ANKRD30B: variants seen among roughly 807,000 people sequenced by gnomAD.
ANKRD30B encodes ankyrin repeat domain-containing protein 30B.
Under a neutral mutation model 202.2 loss-of-function variants are expected in ANKRD30B, and 144 were observed. That is an observed-to-expected ratio of 0.71 (90% confidence interval 0.62 to 0.82). ANKRD30B has a LOEUF of 0.82. Among genes scored for constraint, ANKRD30B ranks in the 40% least tolerant of loss-of-function variants. The probability of loss-of-function intolerance (pLI) is 0.00; values close to 1 mark genes in which losing one functional copy is unlikely to be tolerated. For synonymous variants in ANKRD30B, 508 were observed against 561.3 expected (o/e 0.91, Z 1.34); for missense variants, 1,487 against 1,669.1 (o/e 0.89, Z 1.90).
chr18:14,875,006 G>A, the ANKRD30B span, among the ~76,000 whole-genome samples: 1 of 152,180 alleles, frequency 6.6e-6, no homozygotes, highest in East Asian at 1.9e-4. Context: ...GTAACCCAAT[G>A]ACCAAATCAA....
At chr18:14,863,769 G>A in the ANKRD30B span, among the ~76,000 whole-genome samples, 4 of 148,556 alleles carry the variant, frequency 2.7e-5, no homozygotes, top group Non-Finnish European at 5.9e-5. Context: ...TACAAAACCA[G>A]TATCATCCTG....
chr18:14,764,749 A>G (rs1915835832), intron 7 of ANKRD30B, among the ~76,000 whole-genome samples: 1 of 152,126 alleles, frequency 6.6e-6, no homozygotes, highest in Non-Finnish European at 1.5e-5. Context: ...TCTCAAGACA[A>G]TATTTAAAGG....
chr18:14,867,018 G>A, the ANKRD30B span, among the ~76,000 whole-genome samples: 1,986 of 147,752 alleles, frequency 0.013, 60 homozygotes, highest in African/African-American at 0.048. Context: ...TGCATTGTCC[G>A]TGGGGGAAAG....
At chr18:14,892,742 C>A in the ANKRD30B span, among the ~76,000 whole-genome samples, 34 of 72,896 alleles carry the variant, frequency 4.7e-4, no homozygotes, top group African/African-American at 1.3e-3. Context: ...TCTGTTTCAC[C>A]AAAAAAAAAA....
At chr18:14,920,948 A>G in the ANKRD30B span, among the ~76,000 whole-genome samples, 2 of 152,250 alleles carry the variant, frequency 1.3e-5, no homozygotes, top group African/African-American at 4.8e-5. Context: ...AGAGCATTTT[A>G]CAATGTTGTG....
chr18:14,820,246 CTTAAGGAGATTTTGGG>C (rs1970343740), intron 30 of ANKRD30B, among the ~76,000 whole-genome samples: 1 of 152,174 alleles, frequency 6.6e-6, no homozygotes, highest in Non-Finnish European at 1.5e-5. Context: ...TGCTTATCAG[CTTAAGGAGATTTTGGG>C]TTGAGACAAT....
the ANKRD30B span, among the ~76,000 whole-genome samples, chr18:14,879,133 C>G: frequency 6.6e-6 from 1 of 151,914 alleles, no homozygotes; most frequent in Non-Finnish European, 1.5e-5. Context: ...GGCACTGCCT[C>G]GCTTTGGGAC....
chr18:14,930,773 G>T, the ANKRD30B span, among the ~76,000 whole-genome samples: 2 of 152,172 alleles, frequency 1.3e-5, no homozygotes, highest in African/African-American at 4.8e-5. Flanking sequence ...TGAGAATGAT[G>T]CATCCTCGTG....
intron 24 of ANKRD30B, among the ~76,000 whole-genome samples, chr18:14,805,891 A>AT (rs1969479433): frequency 6.7e-6 from 1 of 149,712 alleles, no homozygotes; most frequent in Non-Finnish European, 1.5e-5. Context: ...GCAACTTTTT[A>AT]TTTTTTGTTC....
chr18:14,777,758 A>G (rs937097504), intron 9 of ANKRD30B, among the ~76,000 whole-genome samples: 8 of 151,898 alleles, frequency 5.3e-5, no homozygotes, highest in African/African-American at 1.9e-4. Flanking sequence ...CCTGGCCAAC[A>G]TGGTGAAACG....
At chr18:14,867,412 G>T in the ANKRD30B span, among the ~76,000 whole-genome samples, 1 of 151,716 alleles carries the variant, frequency 6.6e-6, no homozygotes, top group African/African-American at 2.4e-5. Context: ...TGAGGAAGGG[G>T]CCCTTCTCCT....
At chr18:14,933,740 G>A in the ANKRD30B span, among the ~76,000 whole-genome samples, 1 of 96,102 alleles carries the variant, frequency 1.0e-5, no homozygotes, top group East Asian at 2.4e-4. Flanking sequence ...CGTGGGGAGA[G>A]GTGTTTGACT....
chr18:14,755,830 T>C (rs1914260482), intron 4 of ANKRD30B, among the ~76,000 whole-genome samples: 1 of 152,168 alleles, frequency 6.6e-6, no homozygotes, highest in African/African-American at 2.4e-5. Flanking sequence ...TGGTTCCAAG[T>C]CTTTGCTATT....
intron 15 of ANKRD30B, 48 bp from the exon 16 acceptor site, chr18:14,791,353 T>A (rs1371383220): frequency 6.8e-7 from 1 of 1,480,592 alleles, no homozygotes; most frequent in Admixed American, 2.1e-5. Context: ...TACTCTTCAT[T>A]ACTAGGATTT....
chr18:14,808,428 A>G (rs780031933), intron 24 of ANKRD30B, 123 bp from the exon 25 acceptor site: 6 of 1,064,056 alleles, frequency 5.6e-6, no homozygotes, highest in Non-Finnish European at 8.6e-6. Flanking sequence ...AGACCCCAAA[A>G]CCTAGTGTAA....
At chr18:14,840,850 G>C (rs1254823862) in intron 37 of ANKRD30B, among the ~76,000 whole-genome samples, 172 bp downstream of exon 37, 1 of 152,126 alleles carries the variant, frequency 6.6e-6, no homozygotes, top group Non-Finnish European at 1.5e-5. Flanking sequence ...ATTATATTGA[G>C]AGTGCCAAAA....
At chr18:14,910,085 A>C in the ANKRD30B span, 4 of 152,224 alleles carry the variant, frequency 2.6e-5, no homozygotes, top group Non-Finnish European at 5.9e-5. Context: ...TTTTTAAATA[A>C]AATTTTTAAA....
At chr18:14,917,457 C>T in the ANKRD30B span, among the ~76,000 whole-genome samples, 1 of 152,196 alleles carries the variant, frequency 6.6e-6, no homozygotes, top group Admixed American at 6.5e-5. Flanking sequence ...TCCCAGGTTT[C>T]ACCCTTCCCT....
chr18:14,755,071 T>C lies in ANKRD30B; in HGVS notation c.617+66T>C. 6 of 853,930 alleles carry C rather than the reference T, an allele frequency of 7.0e-6. No homozygotes were observed. The Middle Eastern group carries it at 1.0e-3, about 146-fold the overall frequency. 52.9% of individuals were successfully genotyped at this position (853,930 alleles called of 1,614,324 possible). A position where few individuals can be genotyped will look rare whatever the true frequency, so the allele number is the denominator to read the frequency against. On this transcript the variant is annotated intron_variant, in intron 4 of 43. Coordinates refer to ENST00000690538, the MANE Select transcript of ANKRD30B (RefSeq NM_001367607.2). ...GTGTTCTAGAGTAATAATGCTCAAG[T>C]CAGAAATATTAAATTAACAACATTT...
Sources: gnomAD v4.1 joint callset for allele counts (sites outside exome capture counted in the v4.1 genomes callset) on GRCh38, gnomAD v4.1.1 for gene constraint, MANE v1.5 for transcripts, NCBI Gene and HGNC (gene_info 2026-07-23, HGNC 2026-07-21) for gene names.